PPARG: variants seen among roughly 807,000 people sequenced by gnomAD.
PPARG encodes peroxisome proliferator activated receptor gamma.
Under a neutral mutation model 39.2 loss-of-function variants are expected in PPARG, and 17 were observed. The ratio of observed to expected loss-of-function variants is 0.43; its 90% CI spans 0.30 to 0.65. The LOEUF (loss-of-function observed/expected upper bound fraction) is 0.65. Among genes scored for constraint, PPARG ranks in the 30% least tolerant of loss-of-function variants. The probability of loss-of-function intolerance (pLI) is 0.13; values close to 1 mark genes in which losing one functional copy is unlikely to be tolerated. For synonymous variants in PPARG, 223 were observed against 215.7 expected (o/e 1.03, Z -0.30); for missense variants, 406 against 585.9 (o/e 0.69, Z 3.17).
chr3:12,414,257 C>T (rs1028021475), intron 6 of PPARG, among the ~76,000 whole-genome samples: 2 of 152,168 alleles, frequency 1.3e-5, no homozygotes, highest in African/African-American at 4.8e-5. Context: ...GTTATTTGTA[C>T]TCCTGCATGT....
chr3:12,314,403 A>C (rs2047333105), intron 2 of PPARG, among the ~76,000 whole-genome samples: 1 of 152,174 alleles, frequency 6.6e-6, no homozygotes, highest in Admixed American at 6.6e-5. Context: ...GTAACTTTAC[A>C]GTGGAGAATC....
At chr3:12,358,847 C>A (rs2048747118) in intron 2 of PPARG, among the ~76,000 whole-genome samples, 1 of 152,208 alleles carries the variant, frequency 6.6e-6, no homozygotes, top group Admixed American at 6.5e-5. Flanking sequence ...TACAAAATCT[C>A]ATCACCTTTG....
intron 2 of PPARG, among the ~76,000 whole-genome samples, chr3:12,350,396 G>T (rs1360889818): frequency 6.6e-6 from 1 of 152,178 alleles, no homozygotes; most frequent in Non-Finnish European, 1.5e-5. Flanking sequence ...TCCCCTTGAA[G>T]AATGAATAGT....
At chr3:12,431,638 C>A (rs2051664001) in intron 7 of PPARG, among the ~76,000 whole-genome samples, 2 of 151,702 alleles carry the variant, frequency 1.3e-5, no homozygotes, top group South Asian at 4.2e-4. Flanking sequence ...TGAGAGAATG[C>A]ACAAATAAAG....
intron 6 of PPARG, among the ~76,000 whole-genome samples, chr3:12,413,805 A>G (rs2125276762): frequency 6.8e-6 from 1 of 146,842 alleles, no homozygotes; most frequent in East Asian, 2.0e-4. Context: ...AACAGGAGCA[A>G]AACTCCATCT....
At chr3:12,351,397 G>A (rs894394320) in intron 2 of PPARG, 2 of 629,510 alleles carry the variant, frequency 3.2e-6, no homozygotes, top group African/African-American at 3.6e-5. Flanking sequence ...TAATAGGACA[G>A]TGCCAGCCAA....
intron 2 of PPARG, among the ~76,000 whole-genome samples, chr3:12,345,726 C>T (rs2048307077): frequency 6.6e-6 from 1 of 152,160 alleles, no homozygotes; most frequent in South Asian, 2.1e-4. Flanking sequence ...ACGTAAATTT[C>T]CTTTAGTACA....
At chr3:12,427,790 A>G (rs555055775) in intron 7 of PPARG, among the ~76,000 whole-genome samples, 8 of 152,312 alleles carry the variant, frequency 5.3e-5, no homozygotes, top group Non-Finnish European at 8.8e-5. Flanking sequence ...CTTAAATTGC[A>G]AAGTACTGGG....
At chr3:12,298,107 G>A (rs1022308603) in intron 1 of PPARG, among the ~76,000 whole-genome samples, 8 of 150,686 alleles carry the variant, frequency 5.3e-5, no homozygotes, top group East Asian at 1.9e-4. Context: ...AGACCATCCC[G>A]GCTAAAACGG....
At chr3:12,393,386 T>C (rs1304469349) in intron 5 of PPARG, among the ~76,000 whole-genome samples, 1 of 152,134 alleles carries the variant, frequency 6.6e-6, no homozygotes, top group Non-Finnish European at 1.5e-5. Flanking sequence ...GTCAAGCTTA[T>C]GACTTTGGGT....
intron 7 of PPARG, among the ~76,000 whole-genome samples, chr3:12,428,778 GTTC>G (rs1427817266): frequency 2.6e-5 from 4 of 152,178 alleles, no homozygotes. Flanking sequence ...CAAAGGAAGC[GTTC>G]TTGTTTTTAA....
At chr3:12,392,449 A>G (rs891457315) in intron 4 of PPARG, among the ~76,000 whole-genome samples, 165 bp from the exon 5 acceptor site, 1 of 152,224 alleles carries the variant, frequency 6.6e-6, no homozygotes, top group Non-Finnish European at 1.5e-5. Flanking sequence ...AGCAGAGAAC[A>G]TTTAGTTCCA....
chr3:12,399,935 G>A (rs2050411726), intron 5 of PPARG, among the ~76,000 whole-genome samples: 2 of 149,740 alleles, frequency 1.3e-5, no homozygotes, highest in African/African-American at 2.5e-5. Context: ...AGTGAGCTAC[G>A]ATCATGCCAC....
At chr3:12,379,478 C>T (rs1233526900) in intron 2 of PPARG, among the ~76,000 whole-genome samples, 1 of 152,168 alleles carries the variant, frequency 6.6e-6, no homozygotes, top group Non-Finnish European at 1.5e-5. Flanking sequence ...TGTATCTGCA[C>T]TGTTTCAGGA....
At chr3:12,305,187 C>G (rs1393666178) in intron 1 of PPARG, among the ~76,000 whole-genome samples, 1 of 152,014 alleles carries the variant, frequency 6.6e-6, no homozygotes, top group Non-Finnish European at 1.5e-5. Flanking sequence ...GCTTCCTTTC[C>G]TCTCTTTCCC....
chr3:12,366,561 T>C (rs34001022), intron 2 of PPARG, among the ~76,000 whole-genome samples: 3,335 of 152,278 alleles, frequency 0.022, 55 homozygotes, highest in Middle Eastern at 0.041. Flanking sequence ...CCATTACTTA[T>C]GATGTTAACT....
intron 6 of PPARG, among the ~76,000 whole-genome samples, chr3:12,416,277 G>C (rs983696021): frequency 6.6e-6 from 1 of 152,212 alleles, no homozygotes; most frequent in East Asian, 1.9e-4. Flanking sequence ...TACCCAGGAG[G>C]CTGAGGCACA....
chr3:12,360,969 A>G (rs1250039087), intron 2 of PPARG, among the ~76,000 whole-genome samples: 1 of 152,068 alleles, frequency 6.6e-6, no homozygotes, highest in East Asian at 1.9e-4. Flanking sequence ...GTTGAGCTTC[A>G]GGAGACGTTG....
chr3:12,342,795 GT>G lies in PPARG; in HGVS notation c.-9+30354del, dbSNP rs768773804. On this transcript the variant is annotated intron_variant, in intron 2 of 7. Coordinates refer to ENST00000651735, the MANE Select transcript of PPARG (RefSeq NM_138711.6). ...ATTGGTTCTATAATAATGAAAGGTG[GT>G]TTTTTTTTTTTAAACAAAAAAACCC... Among the ~76,000 whole-genome samples, 1,221 of 142,856 alleles carry G rather than the reference GT, an allele frequency of 8.5e-3. 5 individuals carry two copies. The highest frequency in any genetic ancestry group is 0.012 in the South Asian group (56 of 4,500). The allele number at this position is 142,856 out of a possible 152,430, so 93.7% of individuals were successfully genotyped here. A position where few individuals can be genotyped will look rare whatever the true frequency, so the allele number is the denominator to read the frequency against.
Sources: gnomAD v4.1 joint callset for allele counts (sites outside exome capture counted in the v4.1 genomes callset) on GRCh38, gnomAD v4.1.1 for gene constraint, MANE v1.5 for transcripts, NCBI Gene and HGNC (gene_info 2026-07-23, HGNC 2026-07-21) for gene names.